The following HDC variants were observed in gnomAD, a reference collection of about 807,000 sequenced individuals.
The protein encoded by HDC is histidine decarboxylase.
Under a neutral mutation model 64.4 loss-of-function variants are expected in HDC, and 27 were observed. That is an observed-to-expected ratio of 0.42 (90% CI 0.31 to 0.58). The LOEUF (loss-of-function observed/expected upper bound fraction) is 0.58. Ranked by LOEUF, HDC falls within the 20% of genes least tolerant of loss-of-function variation. HDC has a pLI of 0.16. For synonymous variants in HDC, 305 were observed against 314.2 expected, an observed-to-expected ratio of 0.97 and a Z score of 0.31; for missense variants, 711 against 833.9, an observed-to-expected ratio of 0.85 and a Z score of 1.81.
chr15:50,259,797 C>T (rs2140940940), intron 2 of HDC, among the ~76,000 whole-genome samples: 1 of 152,288 alleles, frequency 6.6e-6, no homozygotes, highest in South Asian at 2.1e-4. Flanking sequence ...CATCTTAGGG[C>T]ATCATCCTGT....
rs147366439 is a variant in HDC at position 50,248,449 on chromosome 15, C to T, written c.1042-106G>A. ...GCCTGCCCAGCCCTCCAGGGATGGA[C>T]GATGTCACCATGACTCTGGGAGCTG... On this transcript the variant is annotated intron_variant, in intron 9 of 11. Coordinates refer to ENST00000267845, the MANE Select transcript of HDC (RefSeq NM_002112.4). This position sits in a 1 kb window ranked among gnomAD's most constrained non-coding sequence, Gnocchi z 4.3. 1.4e-4 allele frequency: 107 copies of T among 772,364 alleles called. No individual in the cohort carries two copies. The African/African-American group carries it at 1.8e-3, about 13-fold the overall frequency. The allele number at this position is 772,364 out of a possible 1,614,324, so 47.8% of individuals were successfully genotyped here.
chr15:50,258,557 T>C lies in HDC; in HGVS notation c.205-40A>G, dbSNP rs181642059. 1.8e-5 allele frequency: 22 copies of C among 1,212,722 alleles called. No individual in the cohort carries two copies. In the Admixed American group the frequency reaches 2.4e-4, roughly 13 times the overall value. 75.1% of individuals were successfully genotyped at this position (1,212,722 alleles called of 1,614,324 possible). ...TGCACAGAGTTGGCACCAGGAGGCA[T>C]TTCCAGCAGGCTTTCTTTCTCCAGA... On this transcript the variant is annotated intron_variant, in intron 2 of 11. Coordinates refer to ENST00000267845, the MANE Select transcript of HDC (RefSeq NM_002112.4).
intron 10 of HDC, among the ~76,000 whole-genome samples, chr15:50,244,319 A>G: frequency 8.9e-6 from 1 of 111,908 alleles, no homozygotes; most frequent in Non-Finnish European, 1.7e-5. Context: ...TTTGAGAGAT[A>G]GGGTCTTGCT....
chr15:50,254,439 C>T (rs541937231), intron 5 of HDC, 91 bp downstream of exon 5: 16 of 1,567,588 alleles, frequency 1.0e-5, no homozygotes, highest in East Asian at 2.2e-5. Flanking sequence ...AGAACCCCAG[C>T]GTACTCACGT....
intron 10 of HDC, among the ~76,000 whole-genome samples, chr15:50,245,330 G>C (rs775961495): frequency 3.3e-5 from 5 of 152,200 alleles, no homozygotes; most frequent in Non-Finnish European, 7.4e-5. Flanking sequence ...AAAGCCAAAA[G>C]TATTTAGTAT....
intron 3 of HDC, 102 bp from the exon 4 acceptor site, chr15:50,257,649 A>G: frequency 7.3e-7 from 1 of 1,372,712 alleles, no homozygotes; most frequent in Non-Finnish European, 1.0e-6. Flanking sequence ...CAATGGGAAC[A>G]TTTCTGGAGA....
At position 50,248,302 on chromosome 15, in the gene HDC, T is replaced by C. The variant is rs763943232; in HGVS notation, c.1083A>G (p.Lys361=). The C allele has an allele frequency of 2.5e-6, 4 of 1,613,838 alleles. No homozygotes were observed. Among genetic ancestry groups the C allele is most frequent in the Non-Finnish European group, 3.4e-6 (4 of 1,179,982 alleles). The change falls in exon 10 of 12, where the codon AAA becomes AAG. Residue 361 remains lysine, a synonymous_variant. Coordinates refer to ENST00000267845, the MANE Select transcript of HDC (RefSeq NM_002112.4). This position sits in a 1 kb window ranked among gnomAD's most constrained non-coding sequence, Gnocchi z 4.3. Reference sequence around the variant, plus strand: ...CGAAGGACCGAATCACGAACCAGAGTTTAACAGAGCGAAACCGTCGGCTCA... The same window carrying C: ...CGAAGGACCGAATCACGAACCAGAGCTTAACAGAGCGAAACCGTCGGCTCA... ...IPLSRRFRSV[K]LWFVIRSFGV...
intron 2 of HDC, among the ~76,000 whole-genome samples, chr15:50,260,965 A>G (rs1282636293): frequency 2.0e-5 from 3 of 152,176 alleles, no homozygotes; most frequent in East Asian, 1.9e-4. Flanking sequence ...TCAGTTTTCA[A>G]TGAGGCACTG....
chr15:50,263,039 A>G (rs854159), intron 2 of HDC, among the ~76,000 whole-genome samples, 196 bp downstream of exon 2: 31,934 of 152,112 alleles, frequency 0.21, 3,696 homozygotes, highest in Middle Eastern at 0.28. Context: ...TGGGCAAAAA[A>G]AAAGAAAAAG....
chr15:50,256,126 G>A (rs1595708586), intron 4 of HDC, among the ~76,000 whole-genome samples: 1 of 152,176 alleles, frequency 6.6e-6, no homozygotes, highest in Non-Finnish European at 1.5e-5. Context: ...ATTGGGGAAT[G>A]GTACTATTCA....
chr15:50,252,800 G>A (rs374030374), intron 7 of HDC, 26 bp from the exon 8 acceptor site: 138 of 1,598,846 alleles, frequency 8.6e-5, no homozygotes, highest in Admixed American at 1.7e-4. Flanking sequence ...TCACCTGGCC[G>A]GAGGGGAGGT....
rs767839457 is a variant in HDC, at chr15:50,257,420, G to A, written c.441+5C>T. The A allele has an allele frequency of 8.1e-6, 13 of 1,614,194 alleles. No homozygotes were observed. The highest frequency in any genetic ancestry group is 1.1e-5 in the Non-Finnish European group (13 of 1,180,030). ...AGCTAGGTGAAGCTTTGCCAAGGGAGGTACCTGCAGGACGCCTCCGCCCTG... is the reference window on the plus strand; with the variant it reads ...AGCTAGGTGAAGCTTTGCCAAGGGAAGTACCTGCAGGACGCCTCCGCCCTG... On this transcript the variant is annotated splice_donor_5th_base_variant and intron_variant, in intron 4 of 11. Transcript: ENST00000267845.
At chr15:50,245,084 A>G (rs1204312372) in intron 10 of HDC, among the ~76,000 whole-genome samples, 2 of 152,210 alleles carry the variant, frequency 1.3e-5, no homozygotes, top group Admixed American at 6.5e-5. Flanking sequence ...AGAGGAGAAT[A>G]CAGAGCACAG....
At position 50,256,712 on chromosome 15, in the gene HDC, A is replaced by G. The variant is rs540325748; in HGVS notation, c.441+713T>C. 3.9e-5 allele frequency among the ~76,000 whole-genome samples: 6 copies of G among 152,340 alleles called. No individual in the cohort carries two copies. The South Asian group carries it at 1.0e-3, about 26-fold the overall frequency. The stretch of plus-strand genomic sequence containing the variant: ...CGATTTTTATTTAAAAAAAGAATTC[A>G]TTGAATCCTTGCATATACTCTTTGA... On this transcript the variant is annotated intron_variant, in intron 4 of 11. Coordinates refer to ENST00000267845, the MANE Select transcript of HDC (RefSeq NM_002112.4).
chr15:50,253,809 C>G (rs563532901), intron 6 of HDC, 143 bp from the exon 7 acceptor site: 1 of 744,054 alleles, frequency 1.3e-6, no homozygotes, highest in Non-Finnish European at 2.4e-6. Flanking sequence ...TTTACCATGG[C>G]TCGTAAGAAA....
In HDC at chr15:50,242,459, G is replaced by A; in HGVS notation, c.1790C>T (p.Pro597Leu). The A allele has an allele frequency of 6.2e-7, 1 of 1,614,182 alleles. No individual in the cohort carries two copies. The highest frequency in any genetic ancestry group is 8.5e-7 in the Non-Finnish European group (1 of 1,180,022). Residue 597 changes from proline (P) to leucine (L), a missense_variant, in exon 12 of 12, where the codon CCA becomes CTA. Pro to Leu is a moderately conservative substitution (Grantham distance 98). This residue lies in a region of HDC where 483 missense variants were observed against 540.9 expected (regional missense o/e 0.89). Transcript: ENST00000267845. ...CNSVPVSAQK[P>L]LPTEASVKNG... ...CTTCACAGAGGCCTCTGTGGGCAGT[G>A]GCTTCTGAGCACTCACTGGCACACT...
rs1379962071 is a variant in HDC, at chr15:50,252,772, C to A, written c.790G>T (p.Ala264Ser). 6.8e-6 allele frequency: 11 copies of A among 1,612,458 alleles called. No individual in the cohort carries two copies. The Admixed American group carries it at 1.7e-4, about 25-fold the overall frequency. Residue 264 changes from alanine to serine, a missense_variant and splice_region_variant, in exon 8 of 12, where the codon GCC becomes TCC. Coordinates refer to ENST00000267845, the MANE Select transcript of HDC (RefSeq NM_002112.4). ...DCLSELGPIC[A>S]REGLWLHIDA... ...ATGTGGAGCCACAGCCCCTCACGGGCACCTGAGGAGGCAAACATCACCTGG... is the reference window on the plus strand; with the variant it reads ...ATGTGGAGCCACAGCCCCTCACGGGAACCTGAGGAGGCAAACATCACCTGG...
In HDC at chr15:50,252,601, G is replaced by A; in HGVS notation, c.950+11C>T. The A allele has an allele frequency of 6.2e-7, 1 of 1,614,150 alleles. No homozygotes were observed. The highest frequency in any genetic ancestry group is 8.5e-7 in the Non-Finnish European group (1 of 1,180,016). ...GTTCCTGCGTGCTCGGAGCTGGGCT[G>A]CTACACTCACCAGAACCCAGTACAG... On this transcript the variant is annotated intron_variant, in intron 8 of 11. Transcript: ENST00000267845.
Position 50,259,385 on chromosome 15 carries a change from C to A in HDC, c.205-868G>T, listed in dbSNP as rs186256956. On this transcript the variant is annotated intron_variant, in intron 2 of 11. Coordinates refer to ENST00000267845, the MANE Select transcript of HDC (RefSeq NM_002112.4). The stretch of plus-strand genomic sequence containing the variant: ...GGTAGAGAGGAGAGCCCAGACCAAG[C>A]GTATGGGAGGCCGACCTCCAGGCTA... 6.8e-3 allele frequency among the ~76,000 whole-genome samples: 1,038 copies of A among 152,156 alleles called. 9 individuals are homozygous for A. The highest frequency in any genetic ancestry group is 0.01 in the Non-Finnish European group (692 of 68,002).
Sources: allele counts gnomAD v4.1 joint callset (sites outside exome capture counted in the v4.1 genomes callset), GRCh38; gene constraint gnomAD v4.1.1; regional missense constraint gnomAD v4.1.1; non-coding constraint Gnocchi (gnomAD v3.1); transcripts MANE v1.5; gene names NCBI Gene and HGNC (gene_info 2026-07-23, HGNC 2026-07-21).